The following GRIK3 variants were observed in gnomAD, a reference collection of about 807,000 sequenced individuals.
The protein encoded by GRIK3 is glutamate ionotropic receptor kainate type subunit 3, also known as glutamate receptor ionotropic, kainate 3.
Under a neutral mutation model 102.5 loss-of-function variants are expected in GRIK3, and 29 were observed. That is an observed-to-expected ratio of 0.28 (90% CI 0.21 to 0.39). The LOEUF is 0.39. Among genes scored for constraint, GRIK3 ranks in the 10% least tolerant of loss-of-function variants. GRIK3 has a pLI of 1.00. For synonymous variants in GRIK3, 511 were observed against 504.9 expected (o/e 1.01, Z -0.16); for missense variants, 908 against 1,252.4 (o/e 0.73, Z 4.15).
intron 1 of GRIK3, among the ~76,000 whole-genome samples, chr1:36,949,570 C>CTTT (rs1557436911): frequency 7.4e-5 from 10 of 134,870 alleles, no homozygotes; most frequent in Admixed American, 1.5e-4. Flanking sequence ...CTCTCTCTCT[C>CTTT]TTTCTTTTTT....
chr1:36,909,944 C>T (rs764094076), intron 1 of GRIK3, among the ~76,000 whole-genome samples: 2 of 152,154 alleles, frequency 1.3e-5, no homozygotes, highest in Non-Finnish European at 2.9e-5. Context: ...ATTCCTCTGC[C>T]TCCCAGGTGA....
At chr1:36,904,271 GCAT>G (rs1320215600) in intron 1 of GRIK3, among the ~76,000 whole-genome samples, 1 of 152,256 alleles carries the variant, frequency 6.6e-6, no homozygotes, top group Admixed American at 6.5e-5. Flanking sequence ...ACACAGGTGT[GCAT>G]CGACATGCCG....
Position 36,917,787 on chromosome 1 carries a change from G to A in GRIK3, c.116-26691C>T, listed in dbSNP as rs190700753. 7.9e-5 allele frequency among the ~76,000 whole-genome samples: 12 copies of A among 152,316 alleles called. No homozygotes were observed. The East Asian group carries it at 2.3e-3, about 29-fold the overall frequency. On this transcript the variant is annotated intron_variant, in intron 1 of 15. Coordinates refer to ENST00000373091, the MANE Select transcript of GRIK3 (RefSeq NM_000831.4). ...CTTGAAAACGGACTAATACAGGGAG[G>A]TTGAAGAGGACACCACAGGAAAATG...
At chr1:36,889,643 A>T (rs983656259) in intron 2 of GRIK3, among the ~76,000 whole-genome samples, 1 of 152,086 alleles carries the variant, frequency 6.6e-6, no homozygotes, top group Non-Finnish European at 1.5e-5. Context: ...ACAACTTGGC[A>T]GTTTCACATA....
chr1:37,011,606 T>A (rs1222963421), intron 1 of GRIK3, among the ~76,000 whole-genome samples: 1 of 152,224 alleles, frequency 6.6e-6, no homozygotes, highest in Non-Finnish European at 1.5e-5. Flanking sequence ...CTGCCTTTTA[T>A]TAGCATGCAG....
chr1:36,956,001 C>T (rs1641901499), intron 1 of GRIK3, among the ~76,000 whole-genome samples: 1 of 152,260 alleles, frequency 6.6e-6, no homozygotes, highest in South Asian at 2.1e-4. Flanking sequence ...CTTGGTGACA[C>T]CTCCTCCTGC....
intron 1 of GRIK3, among the ~76,000 whole-genome samples, chr1:37,012,085 A>G (rs762089529): frequency 6.6e-5 from 10 of 152,232 alleles, no homozygotes; most frequent in Non-Finnish European, 2.9e-5. Context: ...ACAGAGGAGA[A>G]AAATGGGACA....
rs572456524 is a variant in GRIK3 at position 36,862,294 on chromosome 1, G to A, written c.787-2277C>T. Among the ~76,000 whole-genome samples, 262 of 152,240 alleles carry A rather than the reference G, an allele frequency of 1.7e-3. 2 individuals are homozygous for A. Among genetic ancestry groups the A allele is most frequent in the Middle Eastern group, 6.8e-3 (2 of 292 alleles). On this transcript the variant is annotated intron_variant, in intron 5 of 15. Transcript: ENST00000373091. ...GCAGGCATTACAAATCAGGATTTCT[G>A]TGTTTTGTCTTTTTTCTCCCTTTCA...
chr1:36,861,467 G>A (rs560265124), intron 5 of GRIK3, among the ~76,000 whole-genome samples: 1 of 152,256 alleles, frequency 6.6e-6, no homozygotes, highest in African/African-American at 2.4e-5. Flanking sequence ...GAGAGGCTGG[G>A]GACACACTTG....
chr1:36,962,307 T>C (rs1356909958), intron 1 of GRIK3, among the ~76,000 whole-genome samples: 1 of 151,962 alleles, frequency 6.6e-6, no homozygotes, highest in Non-Finnish European at 1.5e-5. Context: ...GCTTAATACA[T>C]CCTCACTGAA....
intron 1 of GRIK3, among the ~76,000 whole-genome samples, chr1:36,891,919 A>G (rs944053941): frequency 9.2e-5 from 14 of 152,266 alleles, no homozygotes; most frequent in African/African-American, 3.4e-4. Context: ...ATCAGTAAAA[A>G]AACTTAATAG....
chr1:36,908,948 A>G lies in GRIK3; in HGVS notation c.116-17852T>C, dbSNP rs113949540. ...TAACAACAACCACAGCAGTAATAACAACTGACTGTGTTCCAGGGATGATGC... is the reference window on the plus strand; with the variant it reads ...TAACAACAACCACAGCAGTAATAACGACTGACTGTGTTCCAGGGATGATGC... On this transcript the variant is annotated intron_variant, in intron 1 of 15. Transcript: ENST00000373091. 4.4e-3 allele frequency among the ~76,000 whole-genome samples: 667 copies of G among 152,278 alleles called. 6 individuals carry two copies. Among genetic ancestry groups the G allele is most frequent in the African/African-American group, 0.015 (640 of 41,560 alleles).
chr1:37,016,467 C>T (rs752185606), intron 1 of GRIK3, among the ~76,000 whole-genome samples: 8 of 152,196 alleles, frequency 5.3e-5, no homozygotes, highest in Non-Finnish European at 1.0e-4. Context: ...CTCTGAGTTG[C>T]TCTTTGCCCA....
intron 1 of GRIK3, among the ~76,000 whole-genome samples, chr1:36,975,584 C>T (rs767760095): frequency 2.0e-5 from 3 of 152,322 alleles, no homozygotes; most frequent in South Asian, 2.1e-4. Context: ...TGAGCCACTG[C>T]GCCCAGCCTA....
intron 7 of GRIK3, among the ~76,000 whole-genome samples, chr1:36,856,769 G>A (rs1030340772): frequency 3.3e-5 from 5 of 152,140 alleles, no homozygotes; most frequent in South Asian, 2.1e-4. Context: ...TTCTATGGTG[G>A]GCAGTGGTGA....
At chr1:36,840,385 C>G (rs999623919) in intron 10 of GRIK3, among the ~76,000 whole-genome samples, 1 of 151,826 alleles carries the variant, frequency 6.6e-6, no homozygotes, top group Non-Finnish European at 1.5e-5. Context: ...TTTAATTCCC[C>G]CAACAACCAC....
At chr1:36,834,246 C>T (rs1169456648) in intron 10 of GRIK3, among the ~76,000 whole-genome samples, 1 of 152,108 alleles carries the variant, frequency 6.6e-6, no homozygotes, top group African/African-American at 2.4e-5. Flanking sequence ...AAATCAGTCA[C>T]TGGGAGCACT....
chr1:37,024,322 T>C (rs1202187910), intron 1 of GRIK3, among the ~76,000 whole-genome samples: 1 of 152,074 alleles, frequency 6.6e-6, no homozygotes, highest in Admixed American at 6.6e-5. Context: ...TCAGTGGGCA[T>C]GGTGATCATA....
At chr1:36,910,071 G>A (rs971993381) in intron 1 of GRIK3, among the ~76,000 whole-genome samples, 1 of 152,130 alleles carries the variant, frequency 6.6e-6, no homozygotes, top group African/African-American at 2.4e-5. Flanking sequence ...GGAACCCGTT[G>A]AGGTTTTTTC....
Sources: allele counts gnomAD v4.1 joint callset (sites outside exome capture counted in the v4.1 genomes callset), GRCh38; gene constraint gnomAD v4.1.1; transcripts MANE v1.5; gene names NCBI Gene and HGNC (gene_info 2026-07-23, HGNC 2026-07-21).